The following MECOM variants were observed in gnomAD, a reference collection of about 807,000 sequenced individuals.
MECOM encodes MDS1 and EVI1 complex locus, also known as histone-lysine N-methyltransferase MECOM.
A neutral mutation model predicts 116.3 loss-of-function variants in MECOM; 13 were observed. The ratio of observed to expected loss-of-function variants is 0.11; its 90% CI spans 0.07 to 0.18. The LOEUF is 0.18. MECOM is among the 10% of genes least tolerant of loss of function. MECOM has a pLI of 1.00. For synonymous variants in MECOM, 528 were observed against 535.2 expected, an observed-to-expected ratio of 0.99 and a Z score of 0.19; for missense variants, 1,299 against 1,509.0, an observed-to-expected ratio of 0.86 and a Z score of 2.31.
intron 1 of MECOM, among the ~76,000 whole-genome samples, chr3:169,626,911 T>C (rs975561908): frequency 6.6e-6 from 1 of 152,098 alleles, no homozygotes; most frequent in African/African-American, 2.4e-5. Context: ...GTTCTTAATA[T>C]GTCTCCATAA....
chr3:169,093,159 T>C, intron 13 of MECOM, 57 bp from the exon 14 acceptor site: 2 of 1,513,496 alleles, frequency 1.3e-6, no homozygotes, highest in Non-Finnish European at 8.9e-7. Context: ...AGCAACTTAT[T>C]TGGAAACTCA....
chr3:169,280,695 T>A (rs573859744), intron 2 of MECOM, among the ~76,000 whole-genome samples: 1 of 152,314 alleles, frequency 6.6e-6, no homozygotes, highest in East Asian at 1.9e-4. Flanking sequence ...GCTCAAAAAC[T>A]GCATTTGATC....
intron 1 of MECOM, among the ~76,000 whole-genome samples, chr3:169,578,339 T>C (rs892480318): frequency 6.6e-6 from 1 of 152,220 alleles, no homozygotes; most frequent in Non-Finnish European, 1.5e-5. Context: ...GAAATTACTA[T>C]GGAGCATAAA....
intron 1 of MECOM, among the ~76,000 whole-genome samples, chr3:169,402,184 C>T (rs1162471929): frequency 6.6e-6 from 1 of 152,094 alleles, no homozygotes; most frequent in Admixed American, 6.5e-5. Flanking sequence ...AGCTCATATA[C>T]TATGTCATGA....
chr3:169,098,220 A>G (rs1722361786), intron 12 of MECOM, among the ~76,000 whole-genome samples: 1 of 151,930 alleles, frequency 6.6e-6, no homozygotes, highest in Non-Finnish European at 1.5e-5. Context: ...AATATCACCA[A>G]TTTTCTCCAG....
chr3:169,607,053 T>A (rs552986120), intron 1 of MECOM, among the ~76,000 whole-genome samples: 20 of 152,364 alleles, frequency 1.3e-4, no homozygotes, highest in African/African-American at 4.3e-4. Context: ...TTAACCTCAT[T>A]GAACTCTTTC....
chr3:169,214,215 G>C (rs1751135294), intron 2 of MECOM, among the ~76,000 whole-genome samples: 1 of 151,944 alleles, frequency 6.6e-6, no homozygotes, highest in South Asian at 2.1e-4. Context: ...AACATCAGTG[G>C]AAATTAGCAG....
intron 1 of MECOM, among the ~76,000 whole-genome samples, chr3:169,624,510 TG>T (rs1405042343): frequency 1.3e-5 from 2 of 152,150 alleles, no homozygotes; most frequent in Admixed American, 1.3e-4. Flanking sequence ...CACCACCAAG[TG>T]GGTGGCCGCC....
rs557652325 is a variant in MECOM, at chr3:169,114,924, T to C, written c.2489+459A>G. ...TCCTGAGAGATTTATTTAGAAACAA[T>C]ATGACCAGCCCTTATTAAGGATGTG... On this transcript the variant is annotated intron_variant, in intron 8 of 16. Transcript: ENST00000651503. Among the ~76,000 whole-genome samples, 18 of 152,242 alleles carry C rather than the reference T, an allele frequency of 1.2e-4. No homozygotes were observed. The East Asian group carries it at 3.5e-3, about 29-fold the overall frequency.
chr3:169,268,317 A>G (rs1333934081), intron 2 of MECOM, among the ~76,000 whole-genome samples: 1 of 152,156 alleles, frequency 6.6e-6, no homozygotes, highest in East Asian at 1.9e-4. Flanking sequence ...CACTTTATAT[A>G]CATTCACTTG....
intron 2 of MECOM, among the ~76,000 whole-genome samples, chr3:169,340,627 G>A (rs1724341290): frequency 6.6e-6 from 1 of 152,006 alleles, no homozygotes; most frequent in South Asian, 2.1e-4. Flanking sequence ...TTAATCACTG[G>A]ATTTTACAAC....
At chr3:169,149,975 GTGTCTGTC>G (rs1201609860) in intron 2 of MECOM, among the ~76,000 whole-genome samples, 201 of 100,458 alleles carry the variant, frequency 2.0e-3, no homozygotes, top group African/African-American at 6.5e-3. Flanking sequence ...GTGTGTGTGT[GTGTCTGTC>G]TGTCTGTCTG....
chr3:169,305,153 G>T (rs574805965), intron 2 of MECOM, among the ~76,000 whole-genome samples: 3 of 152,016 alleles, frequency 2.0e-5, no homozygotes, highest in Non-Finnish European at 2.9e-5. Context: ...CCTGAAAACC[G>T]CATTTTTATA....
intron 2 of MECOM, among the ~76,000 whole-genome samples, chr3:169,223,021 C>T (rs1489199669): frequency 2.0e-5 from 3 of 152,034 alleles, no homozygotes; most frequent in African/African-American, 2.4e-5. Flanking sequence ...TCAGTTTCCC[C>T]ATCTATAAAA....
chr3:169,381,386 T>A lies in MECOM; in HGVS notation c.176A>T (p.Lys59Met), dbSNP rs1315052718. Residue 59 changes from lysine (K) to methionine (M), a missense_variant, in exon 2 of 17, where the codon AAG (lysine) becomes ATG (methionine). By Grantham distance (95) the Lys-to-Met change is moderately conservative (BLOSUM62 -1). This residue lies in a region of MECOM where 374 missense variants were observed against 433.4 expected (regional missense o/e 0.86). Transcript: ENST00000651503. Reference protein sequence around the residue: ...PATSSEAFTPKEGSPYKAPIY... With the variant: ...PATSSEAFTPMEGSPYKAPIY... ...GGGGGCTTTGTAAGGAGAACCCTCC[T>A]TTGGAGTGAATGCTTCACTGGATGT... 2 of 1,613,890 alleles carry A rather than the reference T, an allele frequency of 1.2e-6. No individual in the cohort carries two copies. Among genetic ancestry groups the A allele is most frequent in the South Asian group, 2.2e-5 (2 of 91,076 alleles).
intron 8 of MECOM, among the ~76,000 whole-genome samples, chr3:169,114,065 T>A (rs75423085): frequency 1.3e-5 from 2 of 152,106 alleles, no homozygotes. Context: ...CAGTTGCTAC[T>A]GAGAGGGTAC....
chr3:169,391,741 G>A (rs1734227028), intron 1 of MECOM, among the ~76,000 whole-genome samples: 1 of 152,024 alleles, frequency 6.6e-6, no homozygotes, highest in Non-Finnish European at 1.5e-5. Flanking sequence ...GGTATTTAAG[G>A]GAATGATATA....
At chr3:169,537,801 AT>A (rs1759575571) in intron 1 of MECOM, among the ~76,000 whole-genome samples, 1 of 152,168 alleles carries the variant, frequency 6.6e-6, no homozygotes, top group South Asian at 2.1e-4. Flanking sequence ...AAGTAAAAAA[AT>A]AAAACTTGAG....
At chr3:169,530,940 C>T (rs1380768849) in intron 1 of MECOM, among the ~76,000 whole-genome samples, 1 of 151,890 alleles carries the variant, frequency 6.6e-6, no homozygotes, top group East Asian at 1.9e-4. Flanking sequence ...TCATGTTTTG[C>T]CTGCACGACA....
Sources: allele counts gnomAD v4.1 joint callset (sites outside exome capture counted in the v4.1 genomes callset), GRCh38; gene constraint gnomAD v4.1.1; regional missense constraint gnomAD v4.1.1; transcripts MANE v1.5; gene names NCBI Gene and HGNC (gene_info 2026-07-23, HGNC 2026-07-21).